GRB10: variants seen among roughly 807,000 people sequenced by gnomAD.
GRB10 encodes the protein growth factor receptor bound protein 10.
GRB10 carries 20 observed loss-of-function variants against 80.9 expected under a neutral mutation model. The ratio of observed to expected loss-of-function variants is 0.25; its 90% CI spans 0.17 to 0.36. The LOEUF (loss-of-function observed/expected upper bound fraction) is 0.36. Among genes scored for constraint, GRB10 ranks in the 10% least tolerant of loss-of-function variants. The pLI is 1.00. For synonymous variants in GRB10, 291 were observed against 291.5 expected, an observed-to-expected ratio of 1.00 and a Z score of 0.02; for missense variants, 548 against 747.7, an observed-to-expected ratio of 0.73 and a Z score of 3.12.
intron 4 of GRB10, among the ~76,000 whole-genome samples, chr7:50,713,934 CTCT>C (rs1453159218): frequency 6.6e-6 from 1 of 152,000 alleles, no homozygotes; most frequent in Non-Finnish European, 1.5e-5. Flanking sequence ...ATTCCATCAC[CTCT>C]GCTCCTTCCC....
At position 50,712,193 on chromosome 7, in the gene GRB10, A is replaced by G. The variant is rs1162701025; in HGVS notation, c.52-8285T>C. On this transcript the variant is annotated intron_variant, in intron 4 of 18. Coordinates refer to ENST00000401949, the MANE Select transcript of GRB10 (RefSeq NM_001350814.2). Reference sequence around the variant, plus strand: ...CAAGGTGTACAAAACTAGTCCCTCAAATGGAAATAACCTTCATAATAAATG... The same window carrying G: ...CAAGGTGTACAAAACTAGTCCCTCAGATGGAAATAACCTTCATAATAAATG... Among the ~76,000 whole-genome samples, 40 of 152,208 alleles carry G rather than the reference A, an allele frequency of 2.6e-4. 2 individuals are homozygous for G. Among genetic ancestry groups the G allele is most frequent in the Admixed American group, 2.6e-3 (40 of 15,282 alleles).
At chr7:50,644,408 G>A (rs533219647) in intron 7 of GRB10, among the ~76,000 whole-genome samples, 13 of 152,274 alleles carry the variant, frequency 8.5e-5, no homozygotes, top group East Asian at 3.9e-4. Flanking sequence ...CGTAGCACCC[G>A]CTTCCACTGC....
chr7:50,677,501 C>T (rs1469317059), intron 5 of GRB10, among the ~76,000 whole-genome samples: 1 of 152,200 alleles, frequency 6.6e-6, no homozygotes, highest in Non-Finnish European at 1.5e-5. Context: ...CTGCCAAAGA[C>T]AAGACCTCAG....
chr7:50,730,885 A>T (rs1367485013), intron 4 of GRB10, among the ~76,000 whole-genome samples: 2 of 152,148 alleles, frequency 1.3e-5, no homozygotes, highest in Admixed American at 1.3e-4. Context: ...ACCTCAAGAG[A>T]GACTTTCCCT....
chr7:50,705,696 C>A (rs1210875212), intron 4 of GRB10, among the ~76,000 whole-genome samples: 1 of 152,156 alleles, frequency 6.6e-6, no homozygotes, highest in Admixed American at 6.5e-5. Context: ...ATTTTTCAGG[C>A]CAACAATCAT....
At chr7:50,659,221 G>A (rs2058970425) in intron 7 of GRB10, among the ~76,000 whole-genome samples, 1 of 152,156 alleles carries the variant, frequency 6.6e-6, no homozygotes, top group Non-Finnish European at 1.5e-5. Flanking sequence ...CCAAGAAAAC[G>A]ATAGACGATG....
At chr7:50,764,659 T>G (rs1587977058) in intron 2 of GRB10, among the ~76,000 whole-genome samples, 1 of 152,174 alleles carries the variant, frequency 6.6e-6, no homozygotes, top group Non-Finnish European at 1.5e-5. Flanking sequence ...GCACAAGCGC[T>G]CAGCCACTCT....
At chr7:50,628,604 C>A (rs541196946) in intron 7 of GRB10, among the ~76,000 whole-genome samples, 77 of 152,172 alleles carry the variant, frequency 5.1e-4, no homozygotes, top group South Asian at 3.3e-3. Context: ...TCAGCGAGAG[C>A]GGAAGAGCCC....
chr7:50,604,401 C>T lies in GRB10; in HGVS notation c.1390-24G>A, dbSNP rs769243974. On this transcript the variant is annotated intron_variant, in intron 15 of 18. Coordinates refer to ENST00000401949, the MANE Select transcript of GRB10 (RefSeq NM_001350814.2). ...TTCTGCAAAAGAAATCCCACATTAGCACCGAGGACAGCAGACAGACACACC... is the reference window on the plus strand; with the variant it reads ...TTCTGCAAAAGAAATCCCACATTAGTACCGAGGACAGCAGACAGACACACC... The T allele has an allele frequency of 2.5e-6, 4 of 1,594,776 alleles. No individual in the cohort carries two copies. In the South Asian group the frequency reaches 4.4e-5, roughly 18 times the overall value.
intron 5 of GRB10, among the ~76,000 whole-genome samples, chr7:50,689,670 C>G (rs2062552838): frequency 6.6e-6 from 1 of 152,018 alleles, no homozygotes; most frequent in South Asian, 2.1e-4. Flanking sequence ...GGGTAAGAAA[C>G]TAACATTTTT....
At chr7:50,643,252 A>C (rs560148443) in intron 7 of GRB10, among the ~76,000 whole-genome samples, 11 of 152,314 alleles carry the variant, frequency 7.2e-5, no homozygotes, top group Admixed American at 5.9e-4. Context: ...CCCCATGTAC[A>C]CTGGGGAAAG....
intron 8 of GRB10, 52 bp downstream of exon 8, chr7:50,626,770 C>A: frequency 6.2e-7 from 1 of 1,605,936 alleles, no homozygotes; most frequent in Middle Eastern, 1.7e-4. Context: ...AGTCTTCATT[C>A]AATTGCACAT....
chr7:50,719,966 C>T (rs1362647290), intron 4 of GRB10, among the ~76,000 whole-genome samples: 1 of 152,060 alleles, frequency 6.6e-6, no homozygotes, highest in African/African-American at 2.4e-5. Context: ...TCTTCTGCCC[C>T]CCACTCCAGC....
intron 2 of GRB10, among the ~76,000 whole-genome samples, chr7:50,776,366 C>T (rs2153711498): frequency 6.7e-6 from 1 of 150,270 alleles, no homozygotes; most frequent in South Asian, 2.1e-4. Context: ...GTGCACACCA[C>T]CACACTCCGC....
chr7:50,745,158 C>A (rs2072674126), intron 3 of GRB10, among the ~76,000 whole-genome samples: 2 of 152,074 alleles, frequency 1.3e-5, no homozygotes, highest in Non-Finnish European at 2.9e-5. Context: ...AAAAAAACTC[C>A]ACATATAAAT....
At chr7:50,626,205 T>C (rs1038433102) in intron 8 of GRB10, among the ~76,000 whole-genome samples, 6 of 152,216 alleles carry the variant, frequency 3.9e-5, no homozygotes, top group Non-Finnish European at 8.8e-5. Context: ...TGATACAAAA[T>C]ATTCTCTTAC....
At chr7:50,713,665 ACCAC>A (rs1313814428) in intron 4 of GRB10, among the ~76,000 whole-genome samples, 120 of 102,830 alleles carry the variant, frequency 1.2e-3, no homozygotes, top group African/African-American at 3.3e-3. Context: ...CACCTCCTCC[ACCAC>A]CACCTCCACC....
chr7:50,658,284 T>C (rs1381378267), intron 7 of GRB10, among the ~76,000 whole-genome samples: 1 of 152,240 alleles, frequency 6.6e-6, no homozygotes. Context: ...GCAGGCTGTT[T>C]GCTCGCAGTC....
chr7:50,607,337 AATAG>A (rs1295606555), intron 13 of GRB10, among the ~76,000 whole-genome samples: 19 of 152,292 alleles, frequency 1.2e-4, no homozygotes, highest in Middle Eastern at 3.4e-3. Flanking sequence ...AACTTTATAT[AATAG>A]ATTAATATAT....
Sources: allele counts gnomAD v4.1 joint callset (sites outside exome capture counted in the v4.1 genomes callset), GRCh38; gene constraint gnomAD v4.1.1; transcripts MANE v1.5; gene names NCBI Gene and HGNC (gene_info 2026-07-23, HGNC 2026-07-21).